The following CLASP1 variants were observed in gnomAD, a reference collection of about 807,000 sequenced individuals.
The protein encoded by CLASP1 is CLIP-associating protein 1.
A neutral mutation model predicts 192.3 loss-of-function variants in CLASP1; 38 were observed. The ratio of observed to expected loss-of-function variants is 0.20; its 90% CI spans 0.15 to 0.26. The LOEUF (loss-of-function observed/expected upper bound fraction) is 0.26. Among genes scored for constraint, CLASP1 ranks in the 10% least tolerant of loss-of-function variants. The pLI is 1.00. For missense variants in CLASP1, 1,433 were observed against 1,932.5 expected, an observed-to-expected ratio of 0.74 and a Z score of 4.85; for synonymous variants, 691 against 712.8, an observed-to-expected ratio of 0.97 and a Z score of 0.49.
At chr2:121,592,664 T>G (rs1170733823) in intron 2 of CLASP1, among the ~76,000 whole-genome samples, 1 of 152,168 alleles carries the variant, frequency 6.6e-6, no homozygotes, top group Non-Finnish European at 1.5e-5. Context: ...TTGTTTGTTT[T>G]TTTGTTTGAG....
intron 2 of CLASP1, among the ~76,000 whole-genome samples, chr2:121,586,940 G>C (rs1374817089): frequency 6.6e-6 from 1 of 152,118 alleles, no homozygotes; most frequent in Non-Finnish European, 1.5e-5. Context: ...AGAAAGATGT[G>C]GTCTTAAGAG....
chr2:121,398,497 T>C (rs1458555895), intron 28 of CLASP1, 97 bp from the exon 30 acceptor site: 2 of 776,440 alleles, frequency 2.6e-6, no homozygotes, highest in East Asian at 2.7e-5. Flanking sequence ...AGTTAATGTA[T>C]GTAAAACCCT....
chr2:121,396,398 T>G (rs942028950), intron 30 of CLASP1, among the ~76,000 whole-genome samples: 4 of 152,226 alleles, frequency 2.6e-5, no homozygotes, highest in African/African-American at 7.2e-5. Flanking sequence ...TGGCAATATA[T>G]CCAACGTTCT....
intron 2 of CLASP1, among the ~76,000 whole-genome samples, chr2:121,565,764 T>C (rs2059442523): frequency 6.6e-6 from 1 of 152,220 alleles, no homozygotes; most frequent in African/African-American, 2.4e-5. Flanking sequence ...TCAGCAGATC[T>C]GCATGCTCAA....
chr2:121,483,091 TTCC>T (rs138139735), intron 8 of CLASP1, among the ~76,000 whole-genome samples: 1 of 152,284 alleles, frequency 6.6e-6, no homozygotes, highest in East Asian at 1.9e-4. Flanking sequence ...TGTAGGAATC[TTCC>T]TCTTCTAGAT....
exon 40 of CLASP1, chr2:121,339,675 A>G (rs1406142987): frequency 6.6e-6 from 1 of 152,130 alleles, no homozygotes; most frequent in Non-Finnish European, 1.5e-5. Context: ...TGTGTTTCTA[A>G]TCCTGTTTTT....
At chr2:121,417,640 G>T (rs757929052) in intron 23 of CLASP1, among the ~76,000 whole-genome samples, 10 of 152,178 alleles carry the variant, frequency 6.6e-5, no homozygotes, top group Non-Finnish European at 1.3e-4. Context: ...CAGGGCTTTG[G>T]CATCTGGTTA....
At chr2:121,510,098 T>C (rs1053136520) in intron 7 of CLASP1, among the ~76,000 whole-genome samples, 4 of 152,218 alleles carry the variant, frequency 2.6e-5, no homozygotes, top group South Asian at 2.1e-4. Flanking sequence ...TAGAAATTCA[T>C]AGGTGTAGAT....
intron 2 of CLASP1, among the ~76,000 whole-genome samples, chr2:121,565,007 C>T (rs890602218): frequency 3.3e-5 from 5 of 152,132 alleles, no homozygotes; most frequent in Non-Finnish European, 5.9e-5. Flanking sequence ...TGGGGAAAGA[C>T]GAGGAGGAGG....
chr2:121,614,223 C>T (rs1397454660), intron 1 of CLASP1, among the ~76,000 whole-genome samples: 2 of 152,172 alleles, frequency 1.3e-5, no homozygotes, highest in Admixed American at 6.6e-5. Flanking sequence ...AAGCCGGGCG[C>T]GGTGGCTCAC....
At chr2:121,482,242 A>G (rs1233761352) in intron 8 of CLASP1, among the ~76,000 whole-genome samples, 1 of 152,140 alleles carries the variant, frequency 6.6e-6, no homozygotes, top group African/African-American at 2.4e-5. Context: ...GGGATAATGA[A>G]CAAACTAGCC....
chr2:121,353,792 GCACACA>G (rs35208457), intron 37 of CLASP1, among the ~76,000 whole-genome samples: 3 of 150,340 alleles, frequency 2.0e-5, no homozygotes, highest in African/African-American at 7.3e-5. Context: ...GCACATGCAC[GCACACA>G]CACACACACA....
intron 8 of CLASP1, among the ~76,000 whole-genome samples, chr2:121,475,054 A>G (rs1020864316): frequency 6.6e-6 from 1 of 152,218 alleles, no homozygotes; most frequent in African/African-American, 2.4e-5. Context: ...ACAGGGGTCA[A>G]ATCACATCTA....
intron 34 of CLASP1, among the ~76,000 whole-genome samples, chr2:121,374,590 G>A (rs746036476): frequency 2.6e-5 from 4 of 152,250 alleles, no homozygotes; most frequent in Non-Finnish European, 5.9e-5. Flanking sequence ...GAAAGCAGCT[G>A]TAGGGGCTGT....
At chr2:121,448,312 C>A in exon 18 of CLASP1, 1 of 1,612,782 alleles carries the variant, frequency 6.2e-7, no homozygotes. Context: ...CTTCTTTTGG[C>A]AGACAGCGGA....
intron 1 of CLASP1, among the ~76,000 whole-genome samples, chr2:121,615,315 C>T (rs992749340): frequency 6.7e-6 from 1 of 150,296 alleles, no homozygotes; most frequent in African/African-American, 2.5e-5. Flanking sequence ...CTCCAGCTTG[C>T]GCGTCAGGAA....
intron 28 of CLASP1, among the ~76,000 whole-genome samples, chr2:121,399,873 G>A (rs560375579): frequency 8.5e-5 from 13 of 152,314 alleles, no homozygotes; most frequent in East Asian, 3.9e-4. Flanking sequence ...TGGCTCACAT[G>A]TGTTTTATTT....
chr2:121,445,491 T>C, intron 19 of CLASP1: 1 of 1,289,240 alleles, frequency 7.8e-7, no homozygotes, highest in Non-Finnish European at 1.0e-6. Context: ...CTCATGTGTC[T>C]GGACTCTAGA....
At chr2:121,442,643 C>T (rs1166639073) in intron 19 of CLASP1, among the ~76,000 whole-genome samples, 1 of 152,018 alleles carries the variant, frequency 6.6e-6, no homozygotes, top group Non-Finnish European at 1.5e-5. Flanking sequence ...CCACATCTGG[C>T]TAATTTTTGT....
Sources: allele counts gnomAD v4.1 joint callset (sites outside exome capture counted in the v4.1 genomes callset), GRCh38; gene constraint gnomAD v4.1.1; transcripts MANE v1.5; gene names NCBI Gene and HGNC (gene_info 2026-07-23, HGNC 2026-07-21).